Variants in ATP6V1H observed in about 807,000 individuals in gnomAD.
ATP6V1H encodes ATPase H+ transporting V1 subunit H.
In ATP6V1H, 39 loss-of-function variants were observed where a neutral mutation model predicts 71.7. The observed-to-expected ratio is 0.54, with a 90% CI of 0.42 to 0.71. ATP6V1H has a LOEUF of 0.71. ATP6V1H is among the 30% of genes least tolerant of loss of function. The pLI is 0.00. For missense variants in ATP6V1H, 509 were observed against 594.9 expected (o/e 0.86, Z 1.50); for synonymous variants, 192 against 199.3 (o/e 0.96, Z 0.31).
At chr8:53,838,985 G>A (rs906634039) in intron 2 of ATP6V1H, among the ~76,000 whole-genome samples, 3 of 152,086 alleles carry the variant, frequency 2.0e-5, no homozygotes, top group African/African-American at 4.8e-5. Flanking sequence ...GGCTCAACAG[G>A]CCCACAGTTA....
chr8:53,779,160 T>C (rs998495599), intron 9 of ATP6V1H, among the ~76,000 whole-genome samples: 13 of 152,074 alleles, frequency 8.5e-5, no homozygotes, highest in East Asian at 3.9e-4. Flanking sequence ...AATCAGTACA[T>C]AGAAGATCTA....
intron 4 of ATP6V1H, among the ~76,000 whole-genome samples, chr8:53,823,490 G>A (rs539103635): frequency 2.0e-5 from 3 of 152,004 alleles, no homozygotes; most frequent in Non-Finnish European, 4.4e-5. Context: ...TTTTTGGGGG[G>A]GCGGGGGAGA....
At chr8:53,830,954 A>AG (rs539775384) in intron 3 of ATP6V1H, among the ~76,000 whole-genome samples, 338 of 152,328 alleles carry the variant, frequency 2.2e-3, no homozygotes, top group African/African-American at 7.7e-3. Flanking sequence ...GACATCACAA[A>AG]GGAAAGGAAG....
chr8:53,776,382 C>T (rs1057165226), intron 9 of ATP6V1H, among the ~76,000 whole-genome samples: 3 of 152,210 alleles, frequency 2.0e-5, no homozygotes, highest in African/African-American at 4.8e-5. Flanking sequence ...CCTCAAGTGC[C>T]GCCAAAGTAG....
At position 53,841,645 on chromosome 8, in the gene ATP6V1H, TG is replaced by T. The variant is rs1282042473; in HGVS notation, c.45del (p.Thr16ProfsTer26). The T allele has an allele frequency of 1.5e-5, 24 of 1,614,148 alleles. No homozygotes were observed. Among genetic ancestry groups the T allele is most frequent in the Non-Finnish European group, 1.9e-5 (23 of 1,180,004 alleles). ...DIRGAVDAAV[P>X]TNIIAAKAAE... is the part of the protein sequence containing the mutation. ...GCAGCCTTGGCAGCAATAATATTGG[TG>T]GGGACAGCAGCATCCACAGCACCTC... On this transcript the variant is annotated frameshift_variant, in exon 2 of 14. Transcript: ENST00000359530. LOFTEE classifies it high-confidence loss of function.
chr8:53,814,303 T>A (rs1810377675), intron 6 of ATP6V1H, among the ~76,000 whole-genome samples: 1 of 152,082 alleles, frequency 6.6e-6, no homozygotes, highest in African/African-American at 2.4e-5. Context: ...GTACCGTTTG[T>A]TTTCCTTTAT....
At chr8:53,810,873 T>C (rs181006193) in intron 7 of ATP6V1H, among the ~76,000 whole-genome samples, 1 of 152,366 alleles carries the variant, frequency 6.6e-6, no homozygotes, top group East Asian at 1.9e-4. Context: ...TTATGATTAT[T>C]TGCTCCAGTT....
intron 2 of ATP6V1H, among the ~76,000 whole-genome samples, chr8:53,840,956 A>G (rs1253391784): frequency 6.6e-6 from 1 of 152,204 alleles, no homozygotes; most frequent in African/African-American, 2.4e-5. Context: ...CATACAAGAA[A>G]GAAGGGGGAA....
At chr8:53,722,680 G>A (rs1450591126) in intron 13 of ATP6V1H, among the ~76,000 whole-genome samples, 1 of 151,982 alleles carries the variant, frequency 6.6e-6, no homozygotes, top group Non-Finnish European at 1.5e-5. Context: ...TTGAATAAAC[G>A]GTAGTTGAAG....
At chr8:53,723,249 G>A (rs1806686096) in intron 13 of ATP6V1H, among the ~76,000 whole-genome samples, 1 of 152,070 alleles carries the variant, frequency 6.6e-6, no homozygotes, top group African/African-American at 2.4e-5. Flanking sequence ...GAAGTTGTTG[G>A]CCTCCTCCCT....
At position 53,817,403 on chromosome 8, in the gene ATP6V1H, A is replaced by C. The variant is rs781299965; in HGVS notation, c.420+14T>G. The stretch of plus-strand genomic sequence containing the variant: ...AAAATTTTAAAAAAAGAATCCAATC[A>C]ATTCAAAATTTACCATATGAACAGT... On this transcript the variant is annotated intron_variant, in intron 5 of 13. Transcript: ENST00000359530. 2 of 1,556,954 alleles carry C rather than the reference A, an allele frequency of 1.3e-6. No individual in the cohort carries two copies. The highest frequency in any genetic ancestry group is 1.1e-5 in the South Asian group (1 of 88,050).
chr8:53,810,352 G>A (rs191755866), intron 7 of ATP6V1H, among the ~76,000 whole-genome samples: 3 of 152,138 alleles, frequency 2.0e-5, no homozygotes, highest in Non-Finnish European at 4.4e-5. Flanking sequence ...AATGGAAAAC[G>A]TAACTTTAGC....
intron 13 of ATP6V1H, among the ~76,000 whole-genome samples, chr8:53,725,388 G>C (rs936424258): frequency 6.6e-6 from 1 of 151,944 alleles, no homozygotes. Context: ...CTCCATAACT[G>C]TAAGAAATAA....
intron 13 of ATP6V1H, among the ~76,000 whole-genome samples, chr8:53,734,311 C>G (rs370380631): frequency 1.3e-3 from 197 of 152,276 alleles, no homozygotes; most frequent in African/African-American, 4.2e-3. Context: ...CCTCTGGGAC[C>G]AGCCTTAGGC....
intron 8 of ATP6V1H, among the ~76,000 whole-genome samples, chr8:53,799,162 G>T (rs1809834991): frequency 6.6e-6 from 1 of 151,834 alleles, no homozygotes; most frequent in Non-Finnish European, 1.5e-5. Flanking sequence ...AAGATAAAAT[G>T]AATTTTAATT....
intron 9 of ATP6V1H, among the ~76,000 whole-genome samples, chr8:53,793,628 G>C (rs536032393): frequency 1.3e-5 from 2 of 151,858 alleles, no homozygotes; most frequent in Non-Finnish European, 2.9e-5. Flanking sequence ...CTGGATGACA[G>C]AGTAAAAACC....
chr8:53,829,658 C>G, intron 3 of ATP6V1H, 125 bp from the exon 4 acceptor site: 1 of 588,870 alleles, frequency 1.7e-6, no homozygotes, highest in East Asian at 3.1e-5. Flanking sequence ...ATTTTACTTA[C>G]AGAAAACATA....
intron 13 of ATP6V1H, among the ~76,000 whole-genome samples, chr8:53,738,296 CAAA>C (rs59924832): frequency 4.0e-5 from 4 of 100,708 alleles, no homozygotes; most frequent in Non-Finnish European, 7.0e-5. Context: ...GACTCTGCCT[CAAA>C]AAAAAAAAAA....
chr8:53,789,171 T>C (rs1186143465), intron 9 of ATP6V1H, among the ~76,000 whole-genome samples: 1 of 152,200 alleles, frequency 6.6e-6, no homozygotes, highest in Non-Finnish European at 1.5e-5. Flanking sequence ...TATCAACTAA[T>C]ATCTCTCTTC....
Sources: allele counts gnomAD v4.1 joint callset (sites outside exome capture counted in the v4.1 genomes callset), GRCh38; gene constraint gnomAD v4.1.1; transcripts MANE v1.5; gene names NCBI Gene and HGNC (gene_info 2026-07-23, HGNC 2026-07-21).